The following ANKRD44 variants were observed in gnomAD, a reference collection of about 807,000 sequenced individuals.
ANKRD44 encodes the protein serine/threonine-protein phosphatase 6 regulatory ankyrin repeat subunit B.
In ANKRD44, 35 loss-of-function variants were observed where a neutral mutation model predicts 116.0. The observed-to-expected ratio is 0.30, with a 90% CI of 0.23 to 0.40. The LOEUF is 0.40. Ranked by LOEUF, ANKRD44 falls within the 10% of genes least tolerant of loss-of-function variation. The pLI is 1.00. For synonymous variants in ANKRD44, 435 were observed against 461.8 expected, an observed-to-expected ratio of 0.94 and a Z score of 0.74; for missense variants, 1,014 against 1,242.6, an observed-to-expected ratio of 0.82 and a Z score of 2.77.
intron 1 of ANKRD44, among the ~76,000 whole-genome samples, chr2:197,218,211 A>G (rs1463264094): frequency 6.6e-6 from 1 of 152,204 alleles, no homozygotes; most frequent in Admixed American, 6.5e-5. Context: ...AGATATTCCA[A>G]TAGAAGGAAT....
At chr2:197,044,623 T>G (rs12997637) in intron 16 of ANKRD44, among the ~76,000 whole-genome samples, 95,662 of 151,936 alleles carry the variant, frequency 0.63, 31,541 homozygotes, top group East Asian at 0.84. Flanking sequence ...CCTTCCAAAA[T>G]GCTGGGATTA....
intron 15 of ANKRD44, among the ~76,000 whole-genome samples, chr2:197,080,697 A>T (rs774164948): frequency 5.9e-5 from 9 of 152,296 alleles, no homozygotes; most frequent in Middle Eastern, 3.4e-3. Context: ...CACAACCTGC[A>T]TTGGAGCCAC....
intron 1 of ANKRD44, among the ~76,000 whole-genome samples, chr2:197,251,254 C>T (rs115313454): frequency 0.01 from 1,529 of 152,244 alleles, 24 homozygotes; most frequent in African/African-American, 0.035. Flanking sequence ...TAAAAACATT[C>T]CATATTTTGT....
chr2:196,990,166 G>T (rs1432343206), intron 27 of ANKRD44: 1 of 985,886 alleles, frequency 1.0e-6, no homozygotes, highest in Non-Finnish European at 1.2e-6. Context: ...TCTCTAAAAA[G>T]ATTATTACAG....
chr2:197,044,730 A>G (rs2076971325), intron 16 of ANKRD44, among the ~76,000 whole-genome samples: 1 of 152,182 alleles, frequency 6.6e-6, no homozygotes, highest in Admixed American at 6.5e-5. Flanking sequence ...TAATTCTAAC[A>G]ACACACCAAG....
chr2:197,167,716 G>C (rs1477034920), intron 2 of ANKRD44, among the ~76,000 whole-genome samples: 1 of 152,210 alleles, frequency 6.6e-6, no homozygotes, highest in African/African-American at 2.4e-5. Context: ...ATACTTGGTT[G>C]CTTCACCTCC....
At chr2:197,309,558 T>C (rs565539407) in intron 1 of ANKRD44, among the ~76,000 whole-genome samples, 5 of 152,118 alleles carry the variant, frequency 3.3e-5, no homozygotes, top group South Asian at 2.1e-4. Flanking sequence ...ATGGACAAGT[T>C]TGAGGTATTT....
chr2:197,076,178 G>T (rs1328693771), intron 16 of ANKRD44, among the ~76,000 whole-genome samples: 1 of 152,174 alleles, frequency 6.6e-6, no homozygotes, highest in East Asian at 1.9e-4. Flanking sequence ...CCTATGAAGA[G>T]CTACCAGATG....
intron 1 of ANKRD44, among the ~76,000 whole-genome samples, chr2:197,271,639 G>T (rs958302749): frequency 6.6e-6 from 1 of 152,088 alleles, no homozygotes; most frequent in Non-Finnish European, 1.5e-5. Flanking sequence ...GTTGTTTGTT[G>T]GTTGCTTTGT....
chr2:197,274,621 C>T (rs2083020763), intron 1 of ANKRD44, among the ~76,000 whole-genome samples: 1 of 152,202 alleles, frequency 6.6e-6, no homozygotes, highest in Non-Finnish European at 1.5e-5. Context: ...TCCCTCGGCC[C>T]AGTCCTGCGT....
intron 4 of ANKRD44, among the ~76,000 whole-genome samples, chr2:197,133,306 C>T (rs538535092): frequency 2.0e-5 from 3 of 152,162 alleles, no homozygotes; most frequent in Non-Finnish European, 4.4e-5. Flanking sequence ...CCTTGATCTC[C>T]CCCATTTTAC....
intron 1 of ANKRD44, among the ~76,000 whole-genome samples, chr2:197,193,831 G>A (rs1489999808): frequency 6.6e-6 from 1 of 152,218 alleles, no homozygotes; most frequent in African/African-American, 2.4e-5. Flanking sequence ...GCAGTGAGCC[G>A]AGATCGCGCC....
intron 1 of ANKRD44, among the ~76,000 whole-genome samples, chr2:197,239,888 C>A (rs1217712382): frequency 6.6e-6 from 1 of 152,128 alleles, no homozygotes; most frequent in Admixed American, 6.5e-5. Context: ...ACTAATGCAA[C>A]CAATCTGCTT....
At chr2:197,195,997 C>T (rs1281917441) in intron 1 of ANKRD44, among the ~76,000 whole-genome samples, 1 of 152,154 alleles carries the variant, frequency 6.6e-6, no homozygotes, top group Non-Finnish European at 1.5e-5. Flanking sequence ...GCAAAAAGGA[C>T]AATGGATCCA....
chr2:197,279,278 A>G (rs1429411), intron 1 of ANKRD44, among the ~76,000 whole-genome samples: 51,834 of 152,050 alleles, frequency 0.34, 11,107 homozygotes, highest in East Asian at 0.59. Flanking sequence ...CCTGTATACA[A>G]TAAAACGTCA....
At chr2:196,996,401 A>T (rs2076011898) in intron 25 of ANKRD44, among the ~76,000 whole-genome samples, 1 of 152,238 alleles carries the variant, frequency 6.6e-6, no homozygotes, top group African/African-American at 2.4e-5. Flanking sequence ...AATGGCTGAG[A>T]CTACTGGTAC....
intron 2 of ANKRD44, among the ~76,000 whole-genome samples, chr2:197,172,723 C>G (rs1181898331): frequency 6.6e-6 from 1 of 152,146 alleles, no homozygotes; most frequent in South Asian, 2.1e-4. Flanking sequence ...CACGACCACA[C>G]CCAGCTAATT....
intron 15 of ANKRD44, among the ~76,000 whole-genome samples, chr2:197,080,215 T>C (rs549552869): frequency 6.6e-6 from 1 of 152,376 alleles, no homozygotes; most frequent in African/African-American, 2.4e-5. Context: ...AGCCAAACTA[T>C]ATATACTAAC....
intron 14 of ANKRD44, 51 bp from the exon 15 acceptor site, chr2:197,081,776 G>A (rs1360807970): frequency 6.9e-7 from 1 of 1,451,870 alleles, no homozygotes; most frequent in South Asian, 1.2e-5. Context: ...TTTTTAAATG[G>A]CAAAGCTGTT....
Sources: allele counts gnomAD v4.1 joint callset (sites outside exome capture counted in the v4.1 genomes callset), GRCh38; gene constraint gnomAD v4.1.1; transcripts MANE v1.5; gene names NCBI Gene and HGNC (gene_info 2026-07-23, HGNC 2026-07-21).